The following ARHGAP35 variants were observed in gnomAD, a reference collection of about 807,000 sequenced individuals.
The protein encoded by ARHGAP35 is rho GTPase-activating protein 35.
In ARHGAP35, 15 loss-of-function variants were observed where a neutral mutation model predicts 111.1. The observed-to-expected ratio is 0.13, with a 90% CI of 0.09 to 0.21. The LOEUF is 0.21. ARHGAP35 is among the 10% of genes least tolerant of loss of function. The pLI, the probability that ARHGAP35 is intolerant of heterozygous loss-of-function variation, is 1.00. For synonymous variants in ARHGAP35, 643 were observed against 710.3 expected (o/e 0.91, Z 1.51); for missense variants, 1,262 against 1,873.0 (o/e 0.67, Z 6.02).
At position 46,982,709 on chromosome 19, in the gene ARHGAP35, G is replaced by A. The variant is rs759941247; in HGVS notation, c.3827-5280G>A. ...AATGGCAGTTCTCCAAGTGTGGTTC[G>A]CTGGCCAGCAGCAGCAGCATCATCT... is the stretch of plus-strand genomic sequence containing the variant. On this transcript the variant is annotated intron_variant, in intron 3 of 6. Transcript: ENST00000672722. Among the ~76,000 whole-genome samples, 7 of 151,950 alleles carry A rather than the reference G, an allele frequency of 4.6e-5. No homozygotes were observed. In the East Asian group the frequency reaches 1.2e-3, roughly 25 times the overall value.
chr19:46,923,142 T>TC (rs1246923099), intron 2 of ARHGAP35, among the ~76,000 whole-genome samples: 1 of 145,162 alleles, frequency 6.9e-6, no homozygotes, highest in Admixed American at 7.0e-5. Flanking sequence ...TCTCGCTCAG[T>TC]CACCCACGCT....
Position 46,922,175 on chromosome 19 carries a change from G to A in ARHGAP35, c.3500G>A (p.Arg1167Gln), listed in dbSNP as rs759708637. The A allele has an allele frequency of 6.2e-7, 1 of 1,613,988 alleles. No individual in the cohort carries two copies. Residue 1167 changes from arginine to glutamine, a missense_variant, in exon 2 of 7, where the codon CGG becomes CAG. Coordinates refer to ENST00000672722, the MANE Select transcript of ARHGAP35 (RefSeq NM_004491.5). The surrounding 1 kb of genome is among the most constrained non-coding windows in gnomAD (Gnocchi z 4.0). The stretch of plus-strand genomic sequence containing the variant: ...AGGACGAGATGCACCCGGCTGGGGC[G>A]GTTTGCTAGTTACCGGACCAGCTTC... Reference protein sequence around the residue: ...LYRTRCTRLGRFASYRTSFSV... With the variant: ...LYRTRCTRLGQFASYRTSFSV...
At chr19:46,880,143 GC>G (rs1238955170) in intron 1 of ARHGAP35, among the ~76,000 whole-genome samples, 1 of 151,838 alleles carries the variant, frequency 6.6e-6, no homozygotes, top group Non-Finnish European at 1.5e-5. Flanking sequence ...TCACCAATAA[GC>G]AATTCCTGGC....
chr19:46,867,480 A>C (rs1033113810), intron 1 of ARHGAP35, among the ~76,000 whole-genome samples: 1 of 152,200 alleles, frequency 6.6e-6, no homozygotes, highest in African/African-American at 2.4e-5. Flanking sequence ...CCTGTCATTT[A>C]CTAGCTTTGT....
In ARHGAP35 at chr19:46,921,363, G is replaced by A. The variant is rs1385087714; in HGVS notation, c.2688G>A (p.Leu896=). 1 of 1,613,742 alleles carries A rather than the reference G, an allele frequency of 6.2e-7. No homozygotes were observed. The highest frequency in any genetic ancestry group is 1.7e-5 in the Admixed American group (1 of 59,992). The change falls in exon 2 of 7, where the codon CTG becomes CTA. Residue 896 remains leucine (L), a synonymous_variant. Transcript: ENST00000672722. The surrounding 1 kb of genome is among the most constrained non-coding windows in gnomAD (Gnocchi z 4.3). ...TCACTGATGGCGCTGTAGATGTCCTGGACAATGACTTAAGTAGGGAACAGC... is the reference window on the plus strand; with the variant it reads ...TCACTGATGGCGCTGTAGATGTCCTAGACAATGACTTAAGTAGGGAACAGC... ...VALTDGAVDV[L]DNDLSREQLT...
chr19:46,876,147 C>G (rs1424842998), intron 1 of ARHGAP35, among the ~76,000 whole-genome samples: 1 of 151,702 alleles, frequency 6.6e-6, no homozygotes, highest in African/African-American at 2.4e-5. Context: ...AGTTAATATG[C>G]TTACTGTGTG....
intron 1 of ARHGAP35, among the ~76,000 whole-genome samples, chr19:46,869,413 C>T (rs1225822488): frequency 6.6e-6 from 1 of 151,576 alleles, no homozygotes; most frequent in Non-Finnish European, 1.5e-5. Flanking sequence ...TGCAGTGAGC[C>T]ATGATCGCAT....
At position 46,969,684 on chromosome 19, in the gene ARHGAP35, C is replaced by A. The variant is rs576800005; in HGVS notation, c.3827-18305C>A. ...AGTCCTGCCCTCAATAACCACTCAG[C>A]GACTTGTTTTCTGTGGGGTGTCATC... On this transcript the variant is annotated intron_variant, in intron 3 of 6. Coordinates refer to ENST00000672722, the MANE Select transcript of ARHGAP35 (RefSeq NM_004491.5). Among the ~76,000 whole-genome samples the A allele has an allele frequency of 1.4e-4, 22 of 152,312 alleles. 1 individual carries two copies. Among genetic ancestry groups the A allele is most frequent in the Middle Eastern group, 3.4e-3 (1 of 294 alleles).
chr19:46,971,320 C>T (rs970267259), intron 3 of ARHGAP35, among the ~76,000 whole-genome samples: 15 of 151,702 alleles, frequency 9.9e-5, no homozygotes, highest in Admixed American at 9.2e-4. Flanking sequence ...GCAGGAGAAT[C>T]GCTTGAACCC....
chr19:46,978,801 ATG>A (rs1446383255), intron 3 of ARHGAP35, among the ~76,000 whole-genome samples: 1 of 50,564 alleles, frequency 2.0e-5, no homozygotes, highest in African/African-American at 8.2e-5. Context: ...GTGTGGTGGG[ATG>A]TGTGTGTGTG....
At position 46,989,870 on chromosome 19, in the gene ARHGAP35, C is replaced by T. The variant is rs1448667549; in HGVS notation, c.4036+195C>T. Among the ~76,000 whole-genome samples, 2 of 152,166 alleles carry T rather than the reference C, an allele frequency of 1.3e-5. No homozygotes were observed. Among genetic ancestry groups the T allele is most frequent in the Non-Finnish European group, 2.9e-5 (2 of 68,044 alleles). Reference sequence around the variant, plus strand: ...GCCCTTGTAGACCTTAGGTGCTTATCTGAGGGTTACACCAAGAGAGTTGCA... The same window carrying T: ...GCCCTTGTAGACCTTAGGTGCTTATTTGAGGGTTACACCAAGAGAGTTGCA... On this transcript the variant is annotated intron_variant, in intron 5 of 6. Coordinates refer to ENST00000672722, the MANE Select transcript of ARHGAP35 (RefSeq NM_004491.5). This position sits in a 1 kb window ranked among gnomAD's most constrained non-coding sequence, Gnocchi z 5.3.
intron 1 of ARHGAP35, among the ~76,000 whole-genome samples, chr19:46,862,655 C>T (rs1044994256): frequency 2.0e-5 from 3 of 152,168 alleles, no homozygotes; most frequent in African/African-American, 7.2e-5. Context: ...TCGGAGCTGT[C>T]CACTTGCCCG....
intron 1 of ARHGAP35, among the ~76,000 whole-genome samples, chr19:46,904,947 G>A (rs143593766): frequency 1.9e-3 from 287 of 152,320 alleles, no homozygotes; most frequent in African/African-American, 6.4e-3. Context: ...CGGGGGAGTG[G>A]AGGGACGAGA....
chr19:46,982,592 T>C (rs2056626806), intron 3 of ARHGAP35, among the ~76,000 whole-genome samples: 1 of 152,208 alleles, frequency 6.6e-6, no homozygotes, highest in African/African-American at 2.4e-5. Context: ...CTATTTTGCC[T>C]GGTATATTAC....
intron 3 of ARHGAP35, among the ~76,000 whole-genome samples, chr19:46,984,290 G>A (rs988667974): frequency 2.6e-5 from 4 of 152,174 alleles, no homozygotes; most frequent in African/African-American, 4.8e-5. Flanking sequence ...TGCCACTGGC[G>A]GGTGTGGGCC....
intron 5 of ARHGAP35, among the ~76,000 whole-genome samples, chr19:46,991,092 G>A (rs2056677025): frequency 6.6e-6 from 1 of 152,324 alleles, no homozygotes; most frequent in African/African-American, 2.4e-5. Context: ...GGTGGGGACA[G>A]TTGCAGGCTT....
chr19:46,959,000 C>A (rs544899203), intron 3 of ARHGAP35, among the ~76,000 whole-genome samples: 2 of 151,472 alleles, frequency 1.3e-5, no homozygotes, highest in Admixed American at 1.3e-4. Flanking sequence ...AGGGTAAAAT[C>A]TTTATTCTGC....
chr19:46,973,100 C>A (rs1377465219), intron 3 of ARHGAP35, among the ~76,000 whole-genome samples: 1 of 152,202 alleles, frequency 6.6e-6, no homozygotes, highest in Non-Finnish European at 1.5e-5. Flanking sequence ...CAGTGGCTCA[C>A]GCCTGTAATC....
In ARHGAP35 at chr19:46,936,260, A is replaced by C. The variant is rs970036219; in HGVS notation, c.3682-1004A>C. 5.9e-5 allele frequency among the ~76,000 whole-genome samples: 9 copies of C among 152,154 alleles called. No homozygotes were observed. The East Asian group carries it at 1.7e-3, about 29-fold the overall frequency. ...CTGTCTGAAAATTATAATAATAATAATAATATTTGGAACTTAGTCTGTGCA... is the reference window on the plus strand; with the variant it reads ...CTGTCTGAAAATTATAATAATAATACTAATATTTGGAACTTAGTCTGTGCA... On this transcript the variant is annotated intron_variant, in intron 2 of 6. Coordinates refer to ENST00000672722, the MANE Select transcript of ARHGAP35 (RefSeq NM_004491.5).
Sources: gnomAD v4.1 joint callset for allele counts (sites outside exome capture counted in the v4.1 genomes callset) on GRCh38, gnomAD v4.1.1 for gene constraint, Gnocchi (gnomAD v3.1) non-coding constraint, MANE v1.5 for transcripts, NCBI Gene and HGNC (gene_info 2026-07-23, HGNC 2026-07-21) for gene names.